KCNA4: variants seen among roughly 807,000 people sequenced by gnomAD.
KCNA4 encodes potassium voltage-gated channel subfamily A member 4, also known as cardiac potassium channel.
Under a neutral mutation model 37.2 loss-of-function variants are expected in KCNA4, and 5 were observed. That is an observed-to-expected ratio of 0.13 (90% CI 0.07 to 0.28). KCNA4 has a LOEUF of 0.28. KCNA4 is among the 10% of genes least tolerant of loss of function. The pLI is 1.00. For synonymous variants in KCNA4, 350 were observed against 311.8 expected (o/e 1.12, Z -1.29); for missense variants, 634 against 817.4 (o/e 0.78, Z 2.74).
intron 1 of KCNA4, among the ~76,000 whole-genome samples, chr11:30,013,982 A>T (rs889798900): frequency 1.6e-4 from 25 of 152,240 alleles, no homozygotes; most frequent in African/African-American, 6.0e-4. Flanking sequence ...AGACAGCACC[A>T]CTTGAATGCA....
chr11:30,012,130 T>C lies in KCNA4; in HGVS notation c.549A>G (p.Ser183=). The change falls in exon 2 of 2, where the codon TCA becomes TCG. Residue 183 remains serine, a synonymous_variant. Transcript: ENST00000328224. The part of the protein sequence containing the change: ...DCCERVVINV[S]GLRFETQMKT... ...TCATTTGGGTCTCAAAGCGTAGGCC[T>C]GACACATTTATCACCACACGTTCAC... The C allele has an allele frequency of 6.2e-7, 1 of 1,614,212 alleles. No homozygotes were observed. The highest frequency in any genetic ancestry group is 1.3e-5 in the African/African-American group (1 of 75,058).
In KCNA4 at chr11:30,016,658, G is replaced by C. The variant is rs894661959; in HGVS notation, c.-869C>G. ...CCTCAAGCTGCAACAGCTGGAGGAG[G>C]GGAAGAATGATCCTGGGTGGGGGGC... On this transcript the variant is annotated 5_prime_UTR_variant, in exon 1 of 2. Transcript: ENST00000328224. The C allele has an allele frequency of 1.0e-5, 3 of 290,542 alleles. No individual in the cohort carries two copies. The highest frequency in any genetic ancestry group is 1.8e-5 in the Non-Finnish European group (3 of 162,538). The allele number at this position is 290,542 out of a possible 1,614,324, so 18.0% of individuals were successfully genotyped here. A position where few individuals can be genotyped will look rare whatever the true frequency, so the allele number is the denominator to read the frequency against.
rs934660124 is a variant in KCNA4, at chr11:30,016,836, A to G, written c.-1047T>C. On this transcript the variant is annotated 5_prime_UTR_variant, in exon 1 of 2. Coordinates refer to ENST00000328224, the MANE Select transcript of KCNA4 (RefSeq NM_002233.4). ...GGGCTGCCCCAGAGAAGACCCCAAG[A>G]CTCCTGGTTCCTCTGGAGTTCAGCA... The G allele has an allele frequency of 2.3e-5, 9 of 396,514 alleles. No individual in the cohort carries two copies. Among genetic ancestry groups the G allele is most frequent in the Non-Finnish European group, 3.1e-5 (7 of 225,132 alleles). 24.6% of individuals were successfully genotyped at this position (396,514 alleles called of 1,614,324 possible).
chr11:30,015,877 C>T (rs955747086), intron 1 of KCNA4, among the ~76,000 whole-genome samples: 2 of 151,870 alleles, frequency 1.3e-5, no homozygotes, highest in African/African-American at 2.4e-5. Context: ...TCCCCAATCC[C>T]GGCGCCCCCA....
rs190304282 is a variant in KCNA4, at chr11:30,016,614, C to T, written c.-825G>A. 9.2e-5 allele frequency: 20 copies of T among 217,122 alleles called. No individual in the cohort carries two copies. The East Asian group carries it at 1.6e-3, about 17-fold the overall frequency. The allele number at this position is 217,122 out of a possible 1,614,324, so 13.4% of individuals were successfully genotyped here. On this transcript the variant is annotated 5_prime_UTR_variant, in exon 1 of 2. Transcript: ENST00000328224. ...AAAAATAAAAATAAAGAAAATCCAC[C>T]GGCTGGCTTGTTTTTCCCCCTCAAG... is the stretch of plus-strand genomic sequence containing the variant.
Position 30,010,810 on chromosome 11 carries a change from A to G in KCNA4, c.1869T>C (p.Cys623=), listed in dbSNP as rs1850296191. The stretch of plus-strand genomic sequence containing the variant: ...TTCCCTGACACTTCTCCTCCTTTGC[A>G]CACAGAGATTCCTTAACTCCTTCTT... ...EMEEGVKESL[C]AKEEKCQGKG... The change falls in exon 2 of 2, where the codon TGT becomes TGC. Residue 623 remains cysteine, a synonymous_variant. Coordinates refer to ENST00000328224, the MANE Select transcript of KCNA4 (RefSeq NM_002233.4). 6.2e-7 allele frequency: 1 copy of G among 1,614,092 alleles called. No individual in the cohort carries two copies. The highest frequency in any genetic ancestry group is 2.2e-5 in the East Asian group (1 of 44,876).
Position 30,010,999 on chromosome 11 carries a change from G to C in KCNA4, c.1680C>G (p.Val560=). 1 of 1,614,156 alleles carries C rather than the reference G, an allele frequency of 6.2e-7. No individual in the cohort carries two copies. The highest frequency in any genetic ancestry group is 1.1e-5 in the South Asian group (1 of 91,076). Residue 560 remains valine (V), a synonymous_variant, in exon 2 of 2, where the codon GTC becomes GTG. Transcript: ENST00000328224. Reference sequence around the variant, plus strand: ...TGTGGTAGAAATAGTTAAAGTTAGAGACAATCACTGGCACTGGCAAAGCAA... The same window carrying C: ...TGTGGTAGAAATAGTTAAAGTTAGACACAATCACTGGCACTGGCAAAGCAA... ...LTIALPVPVI[V]SNFNYFYHRE...
Position 30,011,311 on chromosome 11 carries a change from T to C in KCNA4, c.1368A>G (p.Lys456=), listed in dbSNP as rs750632388. The change falls in exon 2 of 2, where the codon AAA becomes AAG. Residue 456 remains lysine (K), a synonymous_variant. Coordinates refer to ENST00000328224, the MANE Select transcript of KCNA4 (RefSeq NM_002233.4). This position sits in a 1 kb window ranked among gnomAD's most constrained non-coding sequence, Gnocchi z 5.6. ...IRLVRVFRIF[K]LSRHSKGLQI... is the part of the protein sequence containing the mutation. ...GCAGGCCTTTGGAGTGCCTGGAGAG[T>C]TTGAAGATCCGGAATACTCGGACCA... 13 of 1,613,664 alleles carry C rather than the reference T, an allele frequency of 8.1e-6. No individual in the cohort carries two copies. In the South Asian group the frequency reaches 1.4e-4, roughly 18 times the overall value.
In KCNA4 at chr11:30,010,910, G is replaced by C. The variant is rs770011779; in HGVS notation, c.1769C>G (p.Pro590Arg). ...TQNAVSCPYL[P>R]SNLLKKFRSS... Reference sequence around the variant, plus strand: ...CCGAAATTTCTTGAGCAAATTAGAGGGGAGGTATGGACAACTGACTGCATT... The same window carrying C: ...CCGAAATTTCTTGAGCAAATTAGAGCGGAGGTATGGACAACTGACTGCATT... Residue 590 changes from proline (P) to arginine (R), a missense_variant, in exon 2 of 2, where the codon CCC (proline) becomes CGC (arginine). By Grantham distance (103) the Pro-to-Arg change is moderately radical. Around this residue, in one of 8 missense-constraint regions of KCNA4, gnomAD observed 91 missense variants for 95.8 expected, o/e 0.95. Coordinates refer to ENST00000328224, the MANE Select transcript of KCNA4 (RefSeq NM_002233.4). 1.9e-6 allele frequency: 3 copies of C among 1,614,058 alleles called. No individual in the cohort carries two copies. The highest frequency in any genetic ancestry group is 1.7e-6 in the Non-Finnish European group (2 of 1,180,042).
intron 1 of KCNA4, chr11:30,016,220 G>C (rs962802920): frequency 6.6e-6 from 1 of 152,040 alleles, no homozygotes; most frequent in African/African-American, 2.4e-5. Context: ...GCGGCTGGGA[G>C]GAGGCGAAAC....
chr11:30,010,665 A>G lies in KCNA4; in HGVS notation c.*52T>C. On this transcript the variant is annotated 3_prime_UTR_variant, in exon 2 of 2. Transcript: ENST00000328224. ...ATTTTCATAACTGCACTCTCTATGC[A>G]TAAATATATTTGGAGATGCTGAGGG... The G allele has an allele frequency of 1.9e-6, 3 of 1,548,744 alleles. No homozygotes were observed. Among genetic ancestry groups the G allele is most frequent in the South Asian group, 2.6e-5 (2 of 77,550 alleles).
At position 30,017,004 on chromosome 11, in the gene KCNA4, C is replaced by A. The variant is rs1386940108; in HGVS notation, c.-1215G>T. On this transcript the variant is annotated 5_prime_UTR_variant, in exon 1 of 2. Coordinates refer to ENST00000328224, the MANE Select transcript of KCNA4 (RefSeq NM_002233.4). The stretch of plus-strand genomic sequence containing the variant: ...TCTCGCTGGCTGCGGGAGCAGCACA[C>A]GCCTCCCCTGGCCGCGAACGCGCTC... 1 of 398,458 alleles carries A rather than the reference C, an allele frequency of 2.5e-6. No homozygotes were observed. 24.7% of individuals were successfully genotyped at this position (398,458 alleles called of 1,614,324 possible).
At chr11:30,014,618 T>C (rs117368140) in intron 1 of KCNA4, among the ~76,000 whole-genome samples, 2,806 of 152,082 alleles carry the variant, frequency 0.018, 43 homozygotes, top group Admixed American at 0.039. Context: ...CTCACACTTC[T>C]GAATTGCATG....
intron 1 of KCNA4, among the ~76,000 whole-genome samples, chr11:30,014,411 T>G (rs1293015845): frequency 6.6e-6 from 1 of 152,190 alleles, no homozygotes; most frequent in East Asian, 1.9e-4. Context: ...TCTTCTCTCC[T>G]TGGCGGTCAC....
chr11:30,015,822 C>T (rs1850345218), intron 1 of KCNA4, among the ~76,000 whole-genome samples: 1 of 152,080 alleles, frequency 6.6e-6, no homozygotes, highest in Non-Finnish European at 1.5e-5. Flanking sequence ...AATTTGTCTT[C>T]TTCTTTAACA....
Position 30,012,408 on chromosome 11 carries a change from C to G in KCNA4, c.271G>C (p.Glu91Gln), listed in dbSNP as rs1171415755. ...TGCCGGTAGTGGGCTTTCTTCTTCT[C>G]AGACCGCTGTCGCCTCCTCCTCCGA... ...GSRRRRRQRS[E>Q]KKKAHYRQSS... is the part of the protein sequence containing the mutation. Residue 91 changes from glutamate to glutamine, a missense_variant, in exon 2 of 2, where the codon GAG becomes CAG. Glu to Gln is a conservative substitution (Grantham distance 29, BLOSUM62 2). This residue lies in a region of KCNA4 where 236 missense variants were observed against 229.5 expected (regional missense o/e 1.03). Transcript: ENST00000328224. 6.2e-7 allele frequency: 1 copy of G among 1,613,942 alleles called. No homozygotes were observed. The highest frequency in any genetic ancestry group is 8.5e-7 in the Non-Finnish European group (1 of 1,180,038).
chr11:30,011,570 G>C lies in KCNA4; in HGVS notation c.1109C>G (p.Pro370Arg), dbSNP rs1368755762. ...ENSGHTIFND[P>R]FFIVETVCIV... ...ACAGACTGTTTCCACGATGAAGAAG[G>C]GGTCATTGAATATTGTGTGCCCTGA... The change falls in exon 2 of 2, where the codon CCC becomes CGC. Residue 370 changes from proline to arginine, a missense_variant. This residue lies in a region of KCNA4 where 252 missense variants were observed against 344.2 expected (regional missense o/e 0.73). Coordinates refer to ENST00000328224, the MANE Select transcript of KCNA4 (RefSeq NM_002233.4). The surrounding 1 kb of genome is among the most constrained non-coding windows in gnomAD (Gnocchi z 5.6). The C allele has an allele frequency of 6.2e-7, 1 of 1,614,056 alleles. No homozygotes were observed. Among genetic ancestry groups the C allele is most frequent in the Admixed American group, 1.7e-5 (1 of 60,012 alleles).
rs1343108601 is a variant in KCNA4 at position 30,012,423 on chromosome 11, T to A, written c.256A>T (p.Arg86Trp). 6.2e-7 allele frequency: 1 copy of A among 1,613,710 alleles called. No homozygotes were observed. The highest frequency in any genetic ancestry group is 8.5e-7 in the Non-Finnish European group (1 of 1,180,006). The change falls in exon 2 of 2, where the codon AGG (arginine) becomes TGG (tryptophan). Residue 86 changes from arginine to tryptophan, a missense_variant. Physicochemically the swap from Arg to Trp is moderately radical, Grantham distance 101. Around this residue, in one of 8 missense-constraint regions of KCNA4, gnomAD observed 236 missense variants for 229.5 expected, o/e 1.03. Transcript: ENST00000328224. The part of the protein sequence containing the change: ...PQSSRGSRRR[R>W]RQRSEKKKAH... ...TTCTTCTTCTCAGACCGCTGTCGCC[T>A]CCTCCTCCGACTACCCCGGCTGCTC...
At chr11:30,014,056 G>A (rs538806310) in intron 1 of KCNA4, among the ~76,000 whole-genome samples, 1 of 152,258 alleles carries the variant, frequency 6.6e-6, no homozygotes, top group Admixed American at 6.5e-5. Flanking sequence ...ATGTTTGTAA[G>A]GATTAAATGA....
Sources: allele counts gnomAD v4.1 joint callset (sites outside exome capture counted in the v4.1 genomes callset), GRCh38; gene constraint gnomAD v4.1.1; regional missense constraint gnomAD v4.1.1; non-coding constraint Gnocchi (gnomAD v3.1); transcripts MANE v1.5; gene names NCBI Gene and HGNC (gene_info 2026-07-23, HGNC 2026-07-21).